Variants in MYO5A observed in about 807,000 individuals in gnomAD.
MYO5A encodes myosin VA, also known as unconventional myosin-Va.
Under a neutral mutation model 249.7 loss-of-function variants are expected in MYO5A, and 98 were observed. The observed-to-expected ratio is 0.39, with a 90% CI of 0.33 to 0.46. MYO5A has a LOEUF of 0.46. Among genes scored for constraint, MYO5A ranks in the 20% least tolerant of loss-of-function variants. The pLI is 0.98. For missense variants in MYO5A, 1,696 were observed against 2,308.8 expected (o/e 0.73, Z 5.44); for synonymous variants, 778 against 810.6 (o/e 0.96, Z 0.68).
chr15:52,469,305 T>A (rs531103589), intron 1 of MYO5A, among the ~76,000 whole-genome samples: 18 of 152,334 alleles, frequency 1.2e-4, no homozygotes, highest in African/African-American at 3.6e-4. Flanking sequence ...ACATAAACAG[T>A]TGATTAACAC....
chr15:52,519,267 G>A (rs2077562489), intron 1 of MYO5A, among the ~76,000 whole-genome samples: 1 of 152,178 alleles, frequency 6.6e-6, no homozygotes, highest in African/African-American at 2.4e-5. Context: ...AGGAAATACG[G>A]TAGAAAGAAA....
At chr15:52,353,762 T>C in intron 26 of MYO5A, 104 bp from the exon 27 acceptor site, 1 of 1,598,180 alleles carries the variant, frequency 6.3e-7, no homozygotes, top group Non-Finnish European at 8.6e-7. Flanking sequence ...CCTCACTACT[T>C]TAACCAAGTG....
In MYO5A at chr15:52,370,200, T is replaced by C. The variant is rs768882499; in HGVS notation, c.3035A>G (p.His1012Arg). 4.3e-6 allele frequency: 7 copies of C among 1,614,194 alleles called. No individual in the cohort carries two copies. The highest frequency in any genetic ancestry group is 1.1e-5 in the South Asian group (1 of 91,088). ...TGTTTCTTGTTTGTATCGATCTGCA[T>C]GTTCCTCAATGCATTTTTTCTCTGA... ...TRSEKKCIEE[H>R]ADRYKQETEQ... Residue 1012 changes from histidine to arginine, a missense_variant, in exon 22 of 42, where the codon CAT becomes CGT. Transcript: ENST00000399233.
intron 33 of MYO5A, 137 bp from the exon 34 acceptor site, chr15:52,336,693 C>T: frequency 1.5e-6 from 1 of 683,632 alleles, no homozygotes; most frequent in South Asian, 1.8e-5. Context: ...CACCACCTGG[C>T]TAAAATTGGC....
chr15:52,319,217 G>A lies in MYO5A; in HGVS notation c.5077C>T (p.Leu1693Phe). The A allele has an allele frequency of 5.0e-6, 8 of 1,614,240 alleles. No individual in the cohort carries two copies. The highest frequency in any genetic ancestry group is 6.8e-6 in the Non-Finnish European group (8 of 1,180,032). The change falls in exon 39 of 42, where the codon CTC (leucine) becomes TTC (phenylalanine). Residue 1693 changes from leucine (L) to phenylalanine (F), a missense_variant. Transcript: ENST00000399233. ...TYTLDSILRQ[L>F]NSFHSVMCQH... ...CACATGACCGAGTGGAAGGAGTTGAGCTGCCGGAGGATGGAGTCCAGTGTG... is the reference window on the plus strand; with the variant it reads ...CACATGACCGAGTGGAAGGAGTTGAACTGCCGGAGGATGGAGTCCAGTGTG...
intron 24 of MYO5A, among the ~76,000 whole-genome samples, chr15:52,361,956 C>T (rs542948308): frequency 6.6e-6 from 1 of 152,282 alleles, no homozygotes; most frequent in Admixed American, 6.5e-5. Flanking sequence ...TGGTTTCCCT[C>T]CCCTCTCTGG....
chr15:52,487,702 T>C (rs1207390214), intron 1 of MYO5A, among the ~76,000 whole-genome samples: 1 of 146,392 alleles, frequency 6.8e-6, no homozygotes, highest in Admixed American at 7.0e-5. Context: ...CCAGCCTAGA[T>C]GACAGAACGA....
Position 52,428,193 on chromosome 15 carries a change from T to C in MYO5A, c.310+205A>G, listed in dbSNP as rs150697113. Among the ~76,000 whole-genome samples the C allele has an allele frequency of 4.9e-3, 747 of 152,356 alleles. 6 individuals carry two copies. Among genetic ancestry groups the C allele is most frequent in the Middle Eastern group, 0.017 (5 of 294 alleles). On this transcript the variant is annotated intron_variant, in intron 3 of 41. Coordinates refer to ENST00000399233, the MANE Select transcript of MYO5A (RefSeq NM_001382347.1). ...ATTCCAAAAGATGGGCCCAGTCTTT[T>C]TATTTTTAGCAAAATTATGTAAGGT...
intron 1 of MYO5A, among the ~76,000 whole-genome samples, chr15:52,498,459 G>T (rs1433049334): frequency 6.6e-6 from 1 of 152,060 alleles, no homozygotes; most frequent in Non-Finnish European, 1.5e-5. Flanking sequence ...TTGTGATAGT[G>T]TTCATTTCCC....
rs1410274674 is a variant in MYO5A, at chr15:52,402,118, A to G, written c.1053+3169T>C. Among the ~76,000 whole-genome samples the G allele has an allele frequency of 2.6e-5, 4 of 152,338 alleles. No homozygotes were observed. The East Asian group carries it at 7.7e-4, about 29-fold the overall frequency. On this transcript the variant is annotated intron_variant, in intron 9 of 41. Coordinates refer to ENST00000399233, the MANE Select transcript of MYO5A (RefSeq NM_001382347.1). ...GGTGGGTCCTCCAAAGTAGATTTGC[A>G]GTTGCTTCTGTCAGGCGCCTAGGCC...
chr15:52,310,779 C>T lies in MYO5A; in HGVS notation c.*2917G>A, dbSNP rs946556418. On this transcript the variant is annotated 3_prime_UTR_variant, in exon 42 of 42. Transcript: ENST00000399233. Reference sequence around the variant, plus strand: ...AAGTGTGGCTGACAGAGAGAAAGAACCTCAGAGGGAAAGCAATCCTCAAAC... The same window carrying T: ...AAGTGTGGCTGACAGAGAGAAAGAATCTCAGAGGGAAAGCAATCCTCAAAC... 3 of 152,378 alleles carry T rather than the reference C, an allele frequency of 2.0e-5. No homozygotes were observed. Among genetic ancestry groups the T allele is most frequent in the African/African-American group, 4.8e-5 (2 of 41,438 alleles). 9.4% of individuals were successfully genotyped at this position (152,378 alleles called of 1,614,324 possible).
intron 1 of MYO5A, among the ~76,000 whole-genome samples, chr15:52,477,207 G>C (rs916310863): frequency 6.6e-6 from 1 of 152,108 alleles, no homozygotes; most frequent in African/African-American, 2.4e-5. Flanking sequence ...TTGTGCATGC[G>C]TCACGTAGTT....
chr15:52,390,002 G>T (rs1384383009), intron 12 of MYO5A, among the ~76,000 whole-genome samples: 1 of 152,026 alleles, frequency 6.6e-6, no homozygotes, highest in Admixed American at 6.6e-5. Context: ...TGAAATATCA[G>T]GGCTATTATG....
intron 34 of MYO5A, among the ~76,000 whole-genome samples, chr15:52,332,328 A>G (rs2140963481): frequency 6.6e-6 from 1 of 152,342 alleles, no homozygotes; most frequent in East Asian, 1.9e-4. Context: ...AAAATTGCCA[A>G]CTAAACTATA....
intron 1 of MYO5A, among the ~76,000 whole-genome samples, chr15:52,472,468 A>G (rs1448726697): frequency 1.3e-5 from 2 of 152,064 alleles, no homozygotes; most frequent in Admixed American, 6.6e-5. Flanking sequence ...ATATGTATAC[A>G]TGTGCCATGT....
chr15:52,341,806 A>G (rs1350359150), intron 31 of MYO5A, among the ~76,000 whole-genome samples: 2 of 152,244 alleles, frequency 1.3e-5, no homozygotes, highest in Admixed American at 6.5e-5. Context: ...TTTAATCACT[A>G]AAATAGAATT....
At chr15:52,350,034 G>A (rs181956473) in intron 28 of MYO5A, among the ~76,000 whole-genome samples, 22 of 152,350 alleles carry the variant, frequency 1.4e-4, no homozygotes, top group Middle Eastern at 3.4e-3. Flanking sequence ...CCAGGTTCAC[G>A]CCATTCTCCT....
Position 52,317,104 on chromosome 15 carries a change from T to C in MYO5A, c.5353A>G (p.Thr1785Ala). 1 of 1,614,146 alleles carries C rather than the reference T, an allele frequency of 6.2e-7. No individual in the cohort carries two copies. The highest frequency in any genetic ancestry group is 8.5e-7 in the Non-Finnish European group (1 of 1,180,010). Residue 1785 changes from threonine to alanine, a missense_variant, in exon 40 of 42, where the codon ACA (threonine) becomes GCA (alanine). Coordinates refer to ENST00000399233, the MANE Select transcript of MYO5A (RefSeq NM_001382347.1). ...CAAATGGCTTCTGCATCATCATCTG[T>C]TTTCTTTTTCACTTGCAAAAGTTGA... ...AAQLLQVKKK[T>A]DDDAEAICSM... is the part of the protein sequence containing the mutation.
chr15:52,335,492 A>T (rs1157636316), intron 34 of MYO5A, among the ~76,000 whole-genome samples: 4 of 140,252 alleles, frequency 2.9e-5, no homozygotes, highest in Non-Finnish European at 6.1e-5. Context: ...CTCCAGCCTC[A>T]GCGACAGAGC....
Sources: gnomAD v4.1 joint callset for allele counts (sites outside exome capture counted in the v4.1 genomes callset) on GRCh38, gnomAD v4.1.1 for gene constraint, MANE v1.5 for transcripts, NCBI Gene and HGNC (gene_info 2026-07-23, HGNC 2026-07-21) for gene names.